The following ZAP70 variants were observed in gnomAD, a reference collection of about 807,000 sequenced individuals.
ZAP70 encodes tyrosine-protein kinase ZAP-70.
ZAP70 carries 27 observed loss-of-function variants against 65.8 expected under a neutral mutation model. The observed-to-expected ratio is 0.41, with a 90% CI of 0.30 to 0.57. The LOEUF (loss-of-function observed/expected upper bound fraction) is 0.57. Among genes scored for constraint, ZAP70 ranks in the 20% least tolerant of loss-of-function variants. ZAP70 has a pLI of 0.28. For synonymous variants in ZAP70, 363 were observed against 360.8 expected (o/e 1.01, Z -0.07); for missense variants, 696 against 870.5 (o/e 0.80, Z 2.52).
rs962265971 is a variant in ZAP70 at position 97,732,943 on chromosome 2, G to A, written c.624G>A (p.Val208=). The change falls in exon 5 of 14, where the codon GTG becomes GTA. Residue 208 remains valine, a synonymous_variant. Transcript: ENST00000264972. ...TGTCCCTCATCTATGGGAAGACGGTGTACCACTACCTCATCAGCCAAGACA... is the reference window on the plus strand; with the variant it reads ...TGTCCCTCATCTATGGGAAGACGGTATACCACTACCTCATCAGCCAAGACA... ...YALSLIYGKT[V]YHYLISQDKA... The A allele has an allele frequency of 3.1e-6, 5 of 1,614,102 alleles. No homozygotes were observed. Among genetic ancestry groups the A allele is most frequent in the Non-Finnish European group, 2.5e-6 (3 of 1,180,040 alleles).
At chr2:97,752,139 A>G in the ZAP70 span, among the ~76,000 whole-genome samples, 10 of 152,192 alleles carry the variant, frequency 6.6e-5, no homozygotes, top group African/African-American at 2.4e-4. Context: ...AACAATAACC[A>G]GAATGTATTT....
the ZAP70 span, among the ~76,000 whole-genome samples, chr2:97,753,834 A>G: frequency 6.6e-6 from 1 of 152,040 alleles, no homozygotes; most frequent in Non-Finnish European, 1.5e-5. Context: ...AAAAAATAAA[A>G]AAAAATTAGC....
chr2:97,734,337 G>A, intron 8 of ZAP70, 183 bp from the exon 9 acceptor site: 4 of 1,423,108 alleles, frequency 2.8e-6, no homozygotes, highest in South Asian at 1.5e-5. Context: ...ACCCACAGCT[G>A]TGGCCAGGAG....
At chr2:97,738,414 A>G (rs1678000657) in intron 13 of ZAP70, 2 of 443,310 alleles carry the variant, frequency 4.5e-6, no homozygotes, top group Non-Finnish European at 8.5e-6. Flanking sequence ...TCTGCTACTC[A>G]ACCTATGACA....
the ZAP70 span, among the ~76,000 whole-genome samples, chr2:97,756,148 G>A: frequency 6.7e-6 from 1 of 150,168 alleles, no homozygotes; most frequent in Non-Finnish European, 1.5e-5. Context: ...TTCGATCAAG[G>A]ACCCTCCATG....
chr2:97,749,304 C>T, the ZAP70 span, among the ~76,000 whole-genome samples: 4 of 152,210 alleles, frequency 2.6e-5, no homozygotes, highest in Admixed American at 6.5e-5. Context: ...GCACCGCGCC[C>T]GGCTGACACT....
At chr2:97,728,999 C>T (rs766053544) in intron 4 of ZAP70, among the ~76,000 whole-genome samples, 18 of 152,212 alleles carry the variant, frequency 1.2e-4, no homozygotes, top group Non-Finnish European at 1.9e-4. Flanking sequence ...GTGATCCACC[C>T]GCCTTGGCCT....
In ZAP70 at chr2:97,733,337, G is replaced by A; in HGVS notation, c.831G>A (p.Leu277=). 1 of 1,595,014 alleles carries A rather than the reference G, an allele frequency of 6.3e-7. No individual in the cohort carries two copies. Among genetic ancestry groups the A allele is most frequent in the Non-Finnish European group, 8.6e-7 (1 of 1,169,286 alleles). ...APTLPAHPST[L]THPQRRIDTL... is the part of the protein sequence containing the mutation. ...CACTCCCAGCCCACCCATCCACGTT[G>A]ACTCATGTGAGTTGGGGGCACCTGG... The change falls in exon 7 of 14, where the codon TTG becomes TTA. Residue 277 remains leucine (L), a synonymous_variant. Coordinates refer to ENST00000264972, the MANE Select transcript of ZAP70 (RefSeq NM_001079.4).
At chr2:97,727,731 G>GT (rs1573269002) in intron 4 of ZAP70, among the ~76,000 whole-genome samples, 1 of 152,038 alleles carries the variant, frequency 6.6e-6, no homozygotes, top group East Asian at 1.9e-4. Context: ...TTTCTTCTCT[G>GT]TTTTCCCCCT....
chr2:97,754,654 C>T, the ZAP70 span, among the ~76,000 whole-genome samples: 2 of 152,206 alleles, frequency 1.3e-5, no homozygotes, highest in African/African-American at 2.4e-5. Context: ...CCGCCCACCT[C>T]GGCCTCCCAA....
chr2:97,754,457 C>T, the ZAP70 span, among the ~76,000 whole-genome samples: 2 of 151,972 alleles, frequency 1.3e-5, no homozygotes, highest in African/African-American at 2.4e-5. Context: ...GGCTGGAGTG[C>T]AGTGGTATGA....
Position 97,735,307 on chromosome 2 carries a change from G to A in ZAP70, c.1140G>A (p.Thr380=), listed in dbSNP as rs202016798. Residue 380 remains threonine (T), a synonymous_variant, in exon 10 of 14, where the codon ACG becomes ACA. Coordinates refer to ENST00000264972, the MANE Select transcript of ZAP70 (RefSeq NM_001079.4). ...AGCAGGGCACGGAGAAGGCAGACAC[G>A]GAAGAGATGATGCGCGAGGCGCAGA... ...VLKQGTEKAD[T]EEMMREAQIM... is the part of the protein sequence containing the mutation. 1.7e-5 allele frequency: 27 copies of A among 1,614,132 alleles called. No individual in the cohort carries two copies. The highest frequency in any genetic ancestry group is 1.1e-4 in the African/African-American group (8 of 75,060).
chr2:97,737,894 C>T lies in ZAP70; in HGVS notation c.1620C>T (p.Tyr540=), dbSNP rs1352470827. 1 of 1,614,114 alleles carries T rather than the reference C, an allele frequency of 6.2e-7. No individual in the cohort carries two copies. The highest frequency in any genetic ancestry group is 1.1e-5 in the South Asian group (1 of 91,086). Residue 540 remains tyrosine, a synonymous_variant, in exon 12 of 14, where the codon TAC becomes TAT. Transcript: ENST00000264972. This position sits in a 1 kb window ranked among gnomAD's most constrained non-coding sequence, Gnocchi z 5.0. ...WEALSYGQKP[Y]KKMKGPEVMA... is the part of the protein sequence containing the mutation. ...CCTTGTCCTACGGCCAGAAGCCCTA[C>T]AAGGCAGGCGCGGGCAGAGGCAGGT...
chr2:97,725,183 A>G lies in ZAP70; in HGVS notation c.494A>G (p.His165Arg). ...GCCCACGAGCGGATGCCCTGGTACC[A>G]CAGCAGCCTGACGCGTGAGGAGGCC... is the stretch of plus-strand genomic sequence containing the variant. Reference protein sequence around the residue: ...TTAHERMPWYHSSLTREEAER... With the variant: ...TTAHERMPWYRSSLTREEAER... Residue 165 changes from histidine (H) to arginine (R), a missense_variant, in exon 4 of 14, where the codon CAC (histidine) becomes CGC (arginine). By Grantham distance (29) the His-to-Arg change is conservative. This residue lies in a region of ZAP70 where 551 missense variants were observed against 630.0 expected (regional missense o/e 0.87). Transcript: ENST00000264972. 6.2e-7 allele frequency: 1 copy of G among 1,614,196 alleles called. No homozygotes were observed. The highest frequency in any genetic ancestry group is 8.5e-7 in the Non-Finnish European group (1 of 1,180,026).
chr2:97,717,878 C>T (rs1440501482), intron 2 of ZAP70, among the ~76,000 whole-genome samples: 1 of 152,088 alleles, frequency 6.6e-6, no homozygotes, highest in Non-Finnish European at 1.5e-5. Flanking sequence ...CAGGCAGGTC[C>T]TTCTGACCAG....
chr2:97,727,563 AC>A lies in ZAP70; in HGVS notation c.563+2315del, dbSNP rs199585563. The stretch of plus-strand genomic sequence containing the variant: ...ATATCCCCCTCGTCCATTACATGCT[AC>A]CCCAGGTGCCTGAGAGTCCAGGGGC... On this transcript the variant is annotated intron_variant, in intron 4 of 13. Transcript: ENST00000264972. 4.2e-3 allele frequency among the ~76,000 whole-genome samples: 633 copies of A among 152,248 alleles called. 2 individuals carry two copies. The highest frequency in any genetic ancestry group is 0.014 in the African/African-American group (602 of 41,546).
intron 9 of ZAP70, chr2:97,735,036 G>A (rs891047813): frequency 4.5e-6 from 3 of 668,870 alleles, no homozygotes; most frequent in South Asian, 1.9e-5. Context: ...TCTTTTTGGC[G>A]ATGGGCTGTT....
the ZAP70 span, among the ~76,000 whole-genome samples, chr2:97,746,865 T>C: frequency 6.6e-6 from 1 of 152,176 alleles, no homozygotes; most frequent in Non-Finnish European, 1.5e-5. Context: ...TAAAGACCTT[T>C]GTATAAATCA....
intron 9 of ZAP70, 42 bp from the exon 10 acceptor site, chr2:97,735,208 G>C: frequency 6.2e-7 from 1 of 1,609,670 alleles, no homozygotes; most frequent in Non-Finnish European, 8.5e-7. Context: ...GAGCAGGGCC[G>C]GTGCCCCTCG....
Sources: allele counts gnomAD v4.1 joint callset (sites outside exome capture counted in the v4.1 genomes callset), GRCh38; gene constraint gnomAD v4.1.1; regional missense constraint gnomAD v4.1.1; non-coding constraint Gnocchi (gnomAD v3.1); transcripts MANE v1.5; gene names NCBI Gene and HGNC (gene_info 2026-07-23, HGNC 2026-07-21).